Variants in PAK1 observed in about 807,000 individuals in gnomAD.
PAK1 encodes serine/threonine-protein kinase PAK 1.
In PAK1, 29 loss-of-function variants were observed where a neutral mutation model predicts 67.4. That is an observed-to-expected ratio of 0.43 (90% CI 0.32 to 0.59). PAK1 has a LOEUF of 0.59. PAK1 is among the 20% of genes least tolerant of loss of function. The probability of loss-of-function intolerance (pLI) is 0.07; values close to 1 mark genes in which losing one functional copy is unlikely to be tolerated. For missense variants in PAK1, 337 were observed against 670.7 expected (o/e 0.50, Z 5.50); for synonymous variants, 223 against 237.4 (o/e 0.94, Z 0.56).
chr11:77,375,006 C>T (rs1409067671), intron 4 of PAK1, among the ~76,000 whole-genome samples: 1 of 152,152 alleles, frequency 6.6e-6, no homozygotes, highest in Non-Finnish European at 1.5e-5. Flanking sequence ...TACCAGTGTA[C>T]ACTTAGGCTA....
At chr11:77,452,878 C>T (rs1355222733) in intron 1 of PAK1, among the ~76,000 whole-genome samples, 2 of 152,228 alleles carry the variant, frequency 1.3e-5, no homozygotes, top group Non-Finnish European at 2.9e-5. Context: ...AGCTTTCTCT[C>T]TTCCTAGGTT....
intron 1 of PAK1, among the ~76,000 whole-genome samples, chr11:77,434,145 T>G (rs1279413925): frequency 6.6e-6 from 1 of 152,106 alleles, no homozygotes; most frequent in Admixed American, 6.5e-5. Flanking sequence ...AAATATATAC[T>G]TAAAGGTAAA....
chr11:77,453,901 G>A (rs756221420), intron 1 of PAK1, among the ~76,000 whole-genome samples: 2 of 152,026 alleles, frequency 1.3e-5, no homozygotes, highest in Admixed American at 6.6e-5. Flanking sequence ...GCAATATGGC[G>A]AAACCCCATC....
chr11:77,406,653 C>T (rs917394703), intron 1 of PAK1, among the ~76,000 whole-genome samples: 7 of 152,106 alleles, frequency 4.6e-5, no homozygotes, highest in Non-Finnish European at 7.3e-5. Context: ...TGGCAGGCAC[C>T]GGTAGTCCCA....
chr11:77,413,993 G>A (rs1253067598), intron 1 of PAK1, among the ~76,000 whole-genome samples: 2 of 152,128 alleles, frequency 1.3e-5, no homozygotes, highest in East Asian at 1.9e-4. Flanking sequence ...GGTCTTCCAG[G>A]CTTTTCTGAA....
chr11:77,458,271 T>A (rs914751433), intron 1 of PAK1, among the ~76,000 whole-genome samples: 1 of 152,210 alleles, frequency 6.6e-6, no homozygotes, highest in Non-Finnish European at 1.5e-5. Context: ...AGTTAATTCT[T>A]AGAACAAAGA....
At chr11:77,428,634 T>A (rs1198830876) in intron 1 of PAK1, among the ~76,000 whole-genome samples, 1 of 150,452 alleles carries the variant, frequency 6.6e-6, no homozygotes, top group Non-Finnish European at 1.5e-5. Flanking sequence ...TGGTCAGACC[T>A]AAGCAGGGTG....
At chr11:77,380,827 T>C (rs1354990159) in intron 2 of PAK1, among the ~76,000 whole-genome samples, 3 of 152,022 alleles carry the variant, frequency 2.0e-5, no homozygotes, top group African/African-American at 7.2e-5. Flanking sequence ...AAGGAAAAAA[T>C]GACCAGACAT....
At chr11:77,380,565 A>C (rs1220665210) in intron 2 of PAK1, among the ~76,000 whole-genome samples, 1 of 152,194 alleles carries the variant, frequency 6.6e-6, no homozygotes, top group Admixed American at 6.5e-5. Context: ...TTCTGGTTTT[A>C]CCAGTAACTA....
chr11:77,526,788 C>A, the PAK1 span, among the ~76,000 whole-genome samples: 32 of 152,120 alleles, frequency 2.1e-4, no homozygotes, highest in Admixed American at 1.6e-3. Flanking sequence ...TAGTGGCATG[C>A]ACCTGTAATC....
intron 1 of PAK1, among the ~76,000 whole-genome samples, chr11:77,454,909 G>A (rs3019240): frequency 0.7 from 106,176 of 152,012 alleles, 37,871 homozygotes; most frequent in African/African-American, 0.84. Flanking sequence ...TGGGCAGGTG[G>A]TCTCTACTGG....
chr11:77,452,221 T>C (rs1262643267), intron 1 of PAK1, among the ~76,000 whole-genome samples: 2 of 152,198 alleles, frequency 1.3e-5, no homozygotes, highest in African/African-American at 4.8e-5. Flanking sequence ...ATCAACATAA[T>C]TTCATTTTAT....
intron 1 of PAK1, among the ~76,000 whole-genome samples, chr11:77,408,698 C>T (rs1954031191): frequency 6.6e-6 from 1 of 152,104 alleles, no homozygotes; most frequent in Admixed American, 6.5e-5. Context: ...GTGGAGACAA[C>T]CCACAAAATG....
chr11:77,340,201 CCTGA>C (rs1004069008), intron 11 of PAK1, among the ~76,000 whole-genome samples: 8 of 152,114 alleles, frequency 5.3e-5, no homozygotes, highest in African/African-American at 1.9e-4. Context: ...CAAAACCTTC[CCTGA>C]CTGTCTTGTC....
the PAK1 span, among the ~76,000 whole-genome samples, chr11:77,495,249 A>G: frequency 1.3e-5 from 2 of 151,632 alleles, no homozygotes; most frequent in African/African-American, 4.8e-5. Flanking sequence ...CAAAACGGGC[A>G]AATCATTTGA....
intron 5 of PAK1, among the ~76,000 whole-genome samples, chr11:77,368,638 T>C (rs930444054): frequency 2.7e-5 from 4 of 147,426 alleles, no homozygotes; most frequent in African/African-American, 1.0e-4. Flanking sequence ...TTTAATCAAA[T>C]ACCTGGATAA....
chr11:77,452,259 G>A (rs1266999203), intron 1 of PAK1, among the ~76,000 whole-genome samples: 1 of 152,140 alleles, frequency 6.6e-6, no homozygotes, highest in South Asian at 2.1e-4. Context: ...TTAAGGAAGT[G>A]ATATTACTTT....
At chr11:77,372,211 T>G (rs879842312) in intron 5 of PAK1, among the ~76,000 whole-genome samples, 1 of 152,234 alleles carries the variant, frequency 6.6e-6, no homozygotes, top group Non-Finnish European at 1.5e-5. Context: ...CAATTCGGCT[T>G]AAAGCCTCTT....
At chr11:77,331,112 G>T (rs189162557) in intron 14 of PAK1, among the ~76,000 whole-genome samples, 2 of 152,126 alleles carry the variant, frequency 1.3e-5, no homozygotes, top group Admixed American at 6.5e-5. Context: ...TTAGAATGGC[G>T]ATCATTAAAA....
Sources: gnomAD v4.1 joint callset for allele counts (sites outside exome capture counted in the v4.1 genomes callset) on GRCh38, gnomAD v4.1.1 for gene constraint, MANE v1.5 for transcripts, NCBI Gene and HGNC (gene_info 2026-07-23, HGNC 2026-07-21) for gene names.